Variants in CNTN4 observed in about 807,000 individuals in gnomAD.
CNTN4 encodes the protein contactin 4.
CNTN4 carries 77 observed loss-of-function variants against 122.5 expected under a neutral mutation model. The ratio of observed to expected loss-of-function variants is 0.63; its 90% CI spans 0.52 to 0.76. The LOEUF (loss-of-function observed/expected upper bound fraction) is 0.76. Among genes scored for constraint, CNTN4 ranks in the 30% least tolerant of loss-of-function variants. CNTN4 has a pLI of 0.00. For missense variants in CNTN4, 1,256 were observed against 1,259.1 expected (o/e 1.00, Z 0.04); for synonymous variants, 512 against 447.0 (o/e 1.15, Z -1.83).
At chr3:2,424,131 A>G (rs1322360559) in intron 3 of CNTN4, among the ~76,000 whole-genome samples, 1 of 150,254 alleles carries the variant, frequency 6.7e-6, no homozygotes, top group Non-Finnish European at 1.5e-5. Context: ...GTTGTTACAT[A>G]CGTATACATC....
intron 4 of CNTN4, among the ~76,000 whole-genome samples, chr3:2,682,611 T>A (rs561227422): frequency 1.3e-5 from 2 of 152,220 alleles, no homozygotes; most frequent in East Asian, 3.9e-4. Flanking sequence ...AAGCAAAGTG[T>A]ATAAAGTATA....
At chr3:2,522,965 C>T (rs1162331038) in intron 3 of CNTN4, among the ~76,000 whole-genome samples, 2 of 152,092 alleles carry the variant, frequency 1.3e-5, no homozygotes, top group Admixed American at 1.3e-4. Context: ...TTTTGTATTA[C>T]ACTATTTTAT....
At chr3:3,020,324 G>T (rs538822387) in intron 14 of CNTN4, among the ~76,000 whole-genome samples, 1 of 152,254 alleles carries the variant, frequency 6.6e-6, no homozygotes, top group Admixed American at 6.5e-5. Flanking sequence ...CCAGAAAGCT[G>T]ATCAGTTACA....
intron 3 of CNTN4, among the ~76,000 whole-genome samples, chr3:2,473,247 A>AC (rs56384006): frequency 0.65 from 93,156 of 143,648 alleles, 30,977 homozygotes; most frequent in African/African-American, 0.76. Flanking sequence ...AAAAAAAAAA[A>AC]AAAAACACCT....
intron 7 of CNTN4, among the ~76,000 whole-genome samples, chr3:2,861,354 G>A (rs1011761343): frequency 6.6e-6 from 1 of 152,124 alleles, no homozygotes; most frequent in Non-Finnish European, 1.5e-5. Context: ...TCAGCACTGA[G>A]CTCAGTGCTT....
At chr3:2,657,414 G>A (rs979883531) in intron 4 of CNTN4, among the ~76,000 whole-genome samples, 1 of 152,018 alleles carries the variant, frequency 6.6e-6, no homozygotes, top group Non-Finnish European at 1.5e-5. Context: ...TCTCCTTGTG[G>A]GCTTTTTATT....
chr3:2,455,845 G>A (rs4426664), intron 3 of CNTN4, among the ~76,000 whole-genome samples: 105,306 of 151,816 alleles, frequency 0.69, 36,806 homozygotes, highest in East Asian at 0.79. Context: ...GTTAACTGTT[G>A]TATTAGTGGA....
rs909531318 is a variant in CNTN4, at chr3:2,778,075, G to A, written c.358+32378G>A. Among the ~76,000 whole-genome samples, 17 of 147,498 alleles carry A rather than the reference G, an allele frequency of 1.2e-4. 1 individual carries two copies. Among genetic ancestry groups the A allele is most frequent in the African/African-American group, 2.5e-4 (10 of 39,582 alleles). ...TAAAAATACAAAAAATTAGCCGGGC[G>A]TGGTGGCGGGCGCCTGTAGTCCCAG... is the stretch of plus-strand genomic sequence containing the variant. On this transcript the variant is annotated intron_variant, in intron 6 of 24. Coordinates refer to ENST00000418658, the MANE Select transcript of CNTN4 (RefSeq NM_175607.3).
rs943060155 is a variant in CNTN4, at chr3:3,046,872, A to T, written c.2811+3168A>T. 2.1e-5 allele frequency among the ~76,000 whole-genome samples: 3 copies of T among 139,962 alleles called. 1 individual carries two copies. The highest frequency in any genetic ancestry group is 4.7e-5 in the Non-Finnish European group (3 of 63,452). 91.8% of individuals were successfully genotyped at this position (139,962 alleles called of 152,430 possible). ...CAAGACCCATCAGTGTGCTGTATTC[A>T]GGAAACCTGTCTCACGTGCAGGGAC... On this transcript the variant is annotated intron_variant, in intron 23 of 24. Transcript: ENST00000418658.
At chr3:2,342,443 C>T (rs2044243090) in intron 3 of CNTN4, among the ~76,000 whole-genome samples, 1 of 152,118 alleles carries the variant, frequency 6.6e-6, no homozygotes, top group African/African-American at 2.4e-5. Flanking sequence ...TAAAACAAGC[C>T]TGACACCAAA....
Position 2,671,041 on chromosome 3 carries a change from C to T in CNTN4, c.56-65174C>T, listed in dbSNP as rs540792122. Reference sequence around the variant, plus strand: ...GCCCTTAACATTTTTTCCTTCATTTCAACTTTGGTGAATCTGACAATTATG... The same window carrying T: ...GCCCTTAACATTTTTTCCTTCATTTTAACTTTGGTGAATCTGACAATTATG... On this transcript the variant is annotated intron_variant, in intron 4 of 24. Coordinates refer to ENST00000418658, the MANE Select transcript of CNTN4 (RefSeq NM_175607.3). Among the ~76,000 whole-genome samples, 4 of 152,250 alleles carry T rather than the reference C, an allele frequency of 2.6e-5. No homozygotes were observed. The East Asian group carries it at 7.7e-4, about 29-fold the overall frequency.
chr3:2,862,987 G>T (rs1470670887), intron 7 of CNTN4, among the ~76,000 whole-genome samples: 1 of 152,166 alleles, frequency 6.6e-6, no homozygotes. Flanking sequence ...GTAGGTTATA[G>T]TCCGCCTCAC....
intron 3 of CNTN4, among the ~76,000 whole-genome samples, chr3:2,345,403 A>C (rs973775738): frequency 5.3e-5 from 8 of 152,206 alleles, no homozygotes; most frequent in Non-Finnish European, 1.0e-4. Context: ...GTTAAGCAGA[A>C]ATTTTTAATC....
At chr3:2,875,329 T>C (rs1468134707) in intron 8 of CNTN4, among the ~76,000 whole-genome samples, 1 of 152,190 alleles carries the variant, frequency 6.6e-6, no homozygotes, top group Non-Finnish European at 1.5e-5. Flanking sequence ...TTGTTGCTTA[T>C]ATATGGAAGG....
chr3:2,168,761 A>G (rs2036313861), intron 2 of CNTN4, among the ~76,000 whole-genome samples: 1 of 152,198 alleles, frequency 6.6e-6, no homozygotes, highest in South Asian at 2.1e-4. Flanking sequence ...GACCATTTGT[A>G]TGTAATACAT....
chr3:2,445,221 A>G (rs2151311764), intron 3 of CNTN4, among the ~76,000 whole-genome samples: 1 of 152,232 alleles, frequency 6.6e-6, no homozygotes, highest in South Asian at 2.1e-4. Context: ...TGATAACCCG[A>G]TTAATCTCCC....
chr3:2,156,700 G>C (rs568399442), intron 2 of CNTN4, among the ~76,000 whole-genome samples: 8 of 152,296 alleles, frequency 5.3e-5, no homozygotes, highest in Middle Eastern at 3.4e-3. Context: ...ATTTATCACA[G>C]ACAGCGTTAA....
Position 2,820,961 on chromosome 3 carries a change from C to T in CNTN4, c.454+1380C>T, listed in dbSNP as rs367697070. ...TTCTCACATGCAACATTTTCTCTTT[C>T]TTTTTTTTTTTTTTTTTTGAGACAG... On this transcript the variant is annotated intron_variant, in intron 7 of 24. Coordinates refer to ENST00000418658, the MANE Select transcript of CNTN4 (RefSeq NM_175607.3). Among the ~76,000 whole-genome samples the T allele has an allele frequency of 8.0e-3, 863 of 107,552 alleles. 17 individuals carry two copies. The highest frequency in any genetic ancestry group is 0.03 in the African/African-American group (789 of 26,494). 70.6% of individuals were successfully genotyped at this position (107,552 alleles called of 152,430 possible).
rs115456941 is a variant in CNTN4 at position 2,148,929 on chromosome 3, C to G, written c.-145+48290C>G. 9.7e-3 allele frequency among the ~76,000 whole-genome samples: 1,388 copies of G among 142,750 alleles called. 19 individuals are homozygous for G. Among genetic ancestry groups the G allele is most frequent in the African/African-American group, 0.029 (1,099 of 37,536 alleles). The allele number at this position is 142,750 out of a possible 152,430, so 93.6% of individuals were successfully genotyped here. On this transcript the variant is annotated intron_variant, in intron 2 of 24. Coordinates refer to ENST00000418658, the MANE Select transcript of CNTN4 (RefSeq NM_175607.3). ...GGATGTCAATTGAACATTACATCCC[C>G]TTACTACCGTGACTGTGTGTGTGTG...
Sources: gnomAD v4.1 joint callset for allele counts (sites outside exome capture counted in the v4.1 genomes callset) on GRCh38, gnomAD v4.1.1 for gene constraint, MANE v1.5 for transcripts, NCBI Gene and HGNC (gene_info 2026-07-23, HGNC 2026-07-21) for gene names.